The following GSAP variants were observed in gnomAD, a reference collection of about 807,000 sequenced individuals.
The protein encoded by GSAP is gamma-secretase activating protein.
A neutral mutation model predicts 131.7 loss-of-function variants in GSAP; 118 were observed. The observed-to-expected ratio is 0.90, with a 90% confidence interval of 0.77 to 1.04. The LOEUF (loss-of-function observed/expected upper bound fraction) is 1.04, where lower values mean the gene tolerates loss of function less well. Ranked by LOEUF, GSAP falls within the 50% of genes least tolerant of loss-of-function variation. The probability of loss-of-function intolerance (pLI) is 0.00; values close to 1 mark genes in which losing one functional copy is unlikely to be tolerated. For synonymous variants in GSAP, 381 were observed against 363.4 expected (o/e 1.05, Z -0.55); for missense variants, 1,019 against 1,013.2 (o/e 1.01, Z -0.08).
chr7:77,392,960 G>C (rs1799818816), intron 5 of GSAP, among the ~76,000 whole-genome samples: 1 of 152,120 alleles, frequency 6.6e-6, no homozygotes, highest in African/African-American at 2.4e-5. Context: ...CTCCACAGGG[G>C]AGGATGAAGG....
At chr7:77,311,555 A>AAAAT in intron 30 of GSAP, 106 bp from the exon 31 acceptor site, 1 of 631,616 alleles carries the variant, frequency 1.6e-6, no homozygotes, top group Non-Finnish European at 2.8e-6. Context: ...GTATTTTAGT[A>AAAAT]AAATGAATTT....
intron 19 of GSAP, among the ~76,000 whole-genome samples, chr7:77,339,220 T>A (rs1790519644): frequency 6.6e-6 from 1 of 151,748 alleles, no homozygotes; most frequent in South Asian, 2.1e-4. Context: ...GACTTGGGGG[T>A]AGAAGAAGTA....
chr7:77,404,607 C>T lies in GSAP; in HGVS notation c.195G>A (p.Lys65=). ...GNIIYTYKDD[K]GNVVFGLYDC... is the part of the protein sequence containing the mutation. ...CATATAATCCAAAGACGACATTTCC[C>T]TTATCATCCTAAAAAAAATTAACCA... Residue 65 remains lysine (K), a synonymous_variant, in exon 3 of 31, where the codon AAG becomes AAA. Transcript: ENST00000257626. The T allele has an allele frequency of 6.5e-7, 1 of 1,533,538 alleles. No individual in the cohort carries two copies. Among genetic ancestry groups the T allele is most frequent in the Non-Finnish European group, 9.0e-7 (1 of 1,109,880 alleles). The allele number at this position is 1,533,538 out of a possible 1,614,324, so 95.0% of individuals were successfully genotyped here.
intron 30 of GSAP, 42 bp from the exon 31 acceptor site, chr7:77,311,491 T>G (rs781481125): frequency 4.1e-6 from 4 of 983,650 alleles, no homozygotes; most frequent in Non-Finnish European, 6.5e-6. Flanking sequence ...AGGGTTACCA[T>G]GGGTCCGTGA....
chr7:77,406,032 A>T lies in GSAP; in HGVS notation c.183T>A (p.Tyr61Ter). 1 of 940,580 alleles carries T rather than the reference A, an allele frequency of 1.1e-6. No individual in the cohort carries two copies. The highest frequency in any genetic ancestry group is 1.5e-6 in the Non-Finnish European group (1 of 671,936). The allele number at this position is 940,580 out of a possible 1,614,324, so 58.3% of individuals were successfully genotyped here. Residue 61 changes from tyrosine (Y) to a stop codon, truncating the protein, a stop_gained, in exon 2 of 31, where the codon TAT (tyrosine) becomes TAA (stop). Transcript: ENST00000257626. LOFTEE classifies it high-confidence loss of function. ...VERNGNIIYT[Y>*]KDDKGNVVFG... ...ATAAAAAAGAATATAGACATACCTTATAGGTATAAATAATATTTCCATTTC... is the reference window on the plus strand; with the variant it reads ...ATAAAAAAGAATATAGACATACCTTTTAGGTATAAATAATATTTCCATTTC...
rs754726153 is a variant in GSAP, at chr7:77,311,936, C to T, written c.2378G>A (p.Arg793Gln). The T allele has an allele frequency of 2.1e-5, 34 of 1,581,816 alleles. No individual in the cohort carries two copies. The South Asian group carries it at 2.5e-4, about 12-fold the overall frequency. The change falls in exon 30 of 31, where the codon CGG (arginine) becomes CAG (glutamine). Residue 793 changes from arginine to glutamine, a missense_variant. Coordinates refer to ENST00000257626, the MANE Select transcript of GSAP (RefSeq NM_017439.4). ...RLLQNYKKQP[R>Q]NSMINKSSFS... ...CGATGACTTGTTAATCATAGAATTC[C>T]GAGGCTAAAAGGGAAACCACTTCTG...
At chr7:77,402,271 G>A (rs1023944764) in intron 3 of GSAP, among the ~76,000 whole-genome samples, 9 of 150,334 alleles carry the variant, frequency 6.0e-5, no homozygotes, top group Admixed American at 2.0e-4. Context: ...ATCTTAGGCC[G>A]GGCACGGTGG....
intron 19 of GSAP, among the ~76,000 whole-genome samples, chr7:77,339,111 A>G (rs868439190): frequency 6.6e-6 from 1 of 152,200 alleles, no homozygotes; most frequent in African/African-American, 2.4e-5. Context: ...CTGTTGGGTA[A>G]GTATGGCAAG....
chr7:77,399,274 G>T (rs931895307), intron 3 of GSAP, among the ~76,000 whole-genome samples: 1 of 152,142 alleles, frequency 6.6e-6, no homozygotes, highest in African/African-American at 2.4e-5. Context: ...AACAGAATGG[G>T]GTGTTACTTC....
chr7:77,367,796 G>A (rs558324971), intron 12 of GSAP, among the ~76,000 whole-genome samples: 13 of 152,234 alleles, frequency 8.5e-5, no homozygotes, highest in South Asian at 4.1e-4. Context: ...TTCTTTGTAC[G>A]TCTGGTAGAA....
chr7:77,340,883 C>A (rs1790812303), intron 19 of GSAP, among the ~76,000 whole-genome samples: 1 of 152,068 alleles, frequency 6.6e-6, no homozygotes. Context: ...CGTGTCTCTA[C>A]CCTCTCTTTT....
At chr7:77,414,682 C>T (rs1803954162) in intron 1 of GSAP, among the ~76,000 whole-genome samples, 1 of 152,104 alleles carries the variant, frequency 6.6e-6, no homozygotes, top group Admixed American at 6.5e-5. Flanking sequence ...AAACATAAGA[C>T]TGTGGCATTT....
intron 24 of GSAP, among the ~76,000 whole-genome samples, chr7:77,321,859 T>A (rs10447801): frequency 0.6 from 91,544 of 152,068 alleles, 28,626 homozygotes; most frequent in African/African-American, 0.77. Flanking sequence ...CTAGTTGTGT[T>A]ACCCTACACA....
chr7:77,328,435 C>CA (rs1788623626), intron 22 of GSAP, 171 bp downstream of exon 22: 19 of 1,326,014 alleles, frequency 1.4e-5, no homozygotes, highest in Non-Finnish European at 1.7e-5. Context: ...GGTGCCTAGA[C>CA]AGACATGGGA....
At chr7:77,353,465 C>T in intron 17 of GSAP, 107 bp downstream of exon 17, 1 of 639,126 alleles carries the variant, frequency 1.6e-6, no homozygotes, top group African/African-American at 1.8e-5. Flanking sequence ...TTAATGTGCT[C>T]CAAAGTAGCA....
At chr7:77,374,369 T>A (rs576107198) in intron 11 of GSAP, among the ~76,000 whole-genome samples, 1 of 152,180 alleles carries the variant, frequency 6.6e-6, no homozygotes. Context: ...GAAAAAATAT[T>A]ACTTTCATCT....
chr7:77,321,358 T>G lies in GSAP; in HGVS notation c.1969A>C (p.Asn657His), dbSNP rs1457602252. ...AAGTGGAGAACCCAGGAATGAAGAT[T>G]ATGTTTCCTCCAATTGGTTTCTACG... Reference protein sequence around the residue: ...HIVETNWRKHNLHSWVLHFNS... With the variant: ...HIVETNWRKHHLHSWVLHFNS... Residue 657 changes from asparagine to histidine, a missense_variant, in exon 25 of 31, where the codon AAT becomes CAT. Physicochemically the swap from Asn to His is moderately conservative, Grantham distance 68. Transcript: ENST00000257626. 2 of 1,605,218 alleles carry G rather than the reference T, an allele frequency of 1.2e-6. No individual in the cohort carries two copies. The highest frequency in any genetic ancestry group is 2.2e-5 in the South Asian group (2 of 90,890).
At chr7:77,344,326 C>T (rs1165974179) in intron 19 of GSAP, among the ~76,000 whole-genome samples, 4 of 152,164 alleles carry the variant, frequency 2.6e-5, no homozygotes, top group Non-Finnish European at 5.9e-5. Flanking sequence ...AAACACACCT[C>T]GCCAAGTTCA....
chr7:77,360,065 T>C (rs542222321), intron 14 of GSAP, among the ~76,000 whole-genome samples: 18 of 152,276 alleles, frequency 1.2e-4, no homozygotes, highest in East Asian at 1.2e-3. Context: ...TTTCCTCACA[T>C]TGCACTCTCT....
Sources: gnomAD v4.1 joint callset for allele counts (sites outside exome capture counted in the v4.1 genomes callset) on GRCh38, gnomAD v4.1.1 for gene constraint, MANE v1.5 for transcripts, NCBI Gene and HGNC (gene_info 2026-07-23, HGNC 2026-07-21) for gene names.